Variants in CACNA1C observed in about 807,000 individuals in gnomAD.
CACNA1C encodes the protein voltage-dependent L-type calcium channel subunit alpha-1C.
CACNA1C carries 30 observed loss-of-function variants against 229.0 expected under a neutral mutation model. The ratio of observed to expected loss-of-function variants is 0.13; its 90% CI spans 0.10 to 0.18. CACNA1C has a LOEUF of 0.18. Among genes scored for constraint, CACNA1C ranks in the 10% least tolerant of loss-of-function variants. The pLI is 1.00. For synonymous variants in CACNA1C, 1,114 were observed against 1,132.5 expected (o/e 0.98, Z 0.33); for missense variants, 1,658 against 2,845.0 (o/e 0.58, Z 9.49).
rs924745168 is a variant in CACNA1C at position 2,578,059 on chromosome 12, G to A, written c.1896-3531G>A. ...AATTTTTTGTATTTTTAGTAGAGAC[G>A]GGGTTTCACCGTGTTAGCCAGGATG... On this transcript the variant is annotated intron_variant, in intron 13 of 46. Transcript: ENST00000399655. Among the ~76,000 whole-genome samples the A allele has an allele frequency of 1.4e-4, 21 of 151,770 alleles. No individual in the cohort carries two copies. In the East Asian group the frequency reaches 2.9e-3, roughly 21 times the overall value.
At chr12:2,331,008 A>G (rs183116812) in intron 3 of CACNA1C, among the ~76,000 whole-genome samples, 18 of 152,330 alleles carry the variant, frequency 1.2e-4, no homozygotes, top group African/African-American at 4.3e-4. Flanking sequence ...TAAAAGAGCA[A>G]ACAATAAATT....
chr12:2,007,772 C>T (rs540058695), intron 1 of CACNA1C, among the ~76,000 whole-genome samples: 14 of 152,180 alleles, frequency 9.2e-5, no homozygotes, highest in East Asian at 1.9e-4. Flanking sequence ...TGTACCTTTG[C>T]CCATCTGTCT....
chr12:2,305,660 A>G (rs1040744389), intron 3 of CACNA1C, among the ~76,000 whole-genome samples: 3 of 152,294 alleles, frequency 2.0e-5, no homozygotes, highest in African/African-American at 7.2e-5. Flanking sequence ...CCTAGGCAAC[A>G]TAGTGAGACC....
chr12:1,993,659 T>C (rs977900705), intron 1 of CACNA1C, among the ~76,000 whole-genome samples: 5 of 117,376 alleles, frequency 4.3e-5, no homozygotes, highest in African/African-American at 1.4e-4. Context: ...TGTGTGTGTA[T>C]ACAGATGTTG....
chr12:2,679,390 G>C lies in CACNA1C; in HGVS notation c.5092-54G>C, dbSNP rs962069993. 1.7e-5 allele frequency: 22 copies of C among 1,313,408 alleles called. No individual in the cohort carries two copies. The Admixed American group carries it at 3.0e-4, about 18-fold the overall frequency. The allele number at this position is 1,313,408 out of a possible 1,614,324, so 81.4% of individuals were successfully genotyped here. ...GACCTGGCTGTGGAGGCTGCTCTCTGGGAGGAGTGGGTGCTAAGGGGCTTC... is the reference window on the plus strand; with the variant it reads ...GACCTGGCTGTGGAGGCTGCTCTCTCGGAGGAGTGGGTGCTAAGGGGCTTC... On this transcript the variant is annotated intron_variant, in intron 41 of 46. Coordinates refer to ENST00000399655, the MANE Select transcript of CACNA1C (RefSeq NM_000719.7). The surrounding 1 kb of genome is among the most constrained non-coding windows in gnomAD (Gnocchi z 5.5).
Position 2,679,881 on chromosome 12 carries a change from C to T in CACNA1C, c.5444+85C>T, listed in dbSNP as rs1011247033. ...GAGACAGTGGAGGAGACGGAGGCCTCGGCCAGCCACTTGTCCCTCAAGCTT... is the reference window on the plus strand; with the variant it reads ...GAGACAGTGGAGGAGACGGAGGCCTTGGCCAGCCACTTGTCCCTCAAGCTT... On this transcript the variant is annotated intron_variant, in intron 42 of 46. Coordinates refer to ENST00000399655, the MANE Select transcript of CACNA1C (RefSeq NM_000719.7). This position sits in a 1 kb window ranked among gnomAD's most constrained non-coding sequence, Gnocchi z 5.5. 1.5e-5 allele frequency: 15 copies of T among 972,720 alleles called. No homozygotes were observed. Among genetic ancestry groups the T allele is most frequent in the Non-Finnish European group, 2.1e-5 (14 of 660,070 alleles). The allele number at this position is 972,720 out of a possible 1,614,324, so 60.3% of individuals were successfully genotyped here.
intron 3 of CACNA1C, among the ~76,000 whole-genome samples, chr12:2,443,859 GT>G (rs2099251668): frequency 6.6e-6 from 1 of 152,148 alleles, no homozygotes; most frequent in Non-Finnish European, 1.5e-5. Flanking sequence ...TGTCTTGCTT[GT>G]TTTTGTTTTT....
chr12:2,629,007 T>A (rs998902993), intron 29 of CACNA1C, among the ~76,000 whole-genome samples: 40 of 152,176 alleles, frequency 2.6e-4, no homozygotes, highest in African/African-American at 5.6e-4. Flanking sequence ...TGGATTTTTT[T>A]AAAATACTTC....
intron 3 of CACNA1C, among the ~76,000 whole-genome samples, chr12:2,330,381 A>T (rs2096504842): frequency 1.3e-5 from 2 of 152,238 alleles, no homozygotes; most frequent in African/African-American, 2.4e-5. Flanking sequence ...ATTAAAAACA[A>T]GATAATTTGA....
rs140806703 is a variant in CACNA1C at position 2,297,269 on chromosome 12, A to G, written c.478-151707A>G. On this transcript the variant is annotated intron_variant, in intron 3 of 46. Coordinates refer to ENST00000399655, the MANE Select transcript of CACNA1C (RefSeq NM_000719.7). ...CAGGAGCTGTGTTAGTGACAGCAGC[A>G]TTCACCAGAGGCATTTAAAGGCTGA... Among the ~76,000 whole-genome samples, 46 of 152,342 alleles carry G rather than the reference A, an allele frequency of 3.0e-4. No individual in the cohort carries two copies. The East Asian group carries it at 7.5e-3, about 25-fold the overall frequency.
chr12:2,272,020 C>T (rs2085249991), intron 3 of CACNA1C, among the ~76,000 whole-genome samples: 1 of 152,188 alleles, frequency 6.6e-6, no homozygotes, highest in African/African-American at 2.4e-5. Flanking sequence ...TCCTAGGACT[C>T]TGGAGAGATG....
chr12:2,320,319 C>G (rs1260434878), intron 3 of CACNA1C, among the ~76,000 whole-genome samples: 1 of 152,208 alleles, frequency 6.6e-6, no homozygotes, highest in South Asian at 2.1e-4. Flanking sequence ...GCCTCTTGGC[C>G]TTGCTTTTGT....
In CACNA1C at chr12:2,486,377, T is replaced by A; in HGVS notation, c.916+115T>A. 1.3e-6 allele frequency: 1 copy of A among 764,770 alleles called. No homozygotes were observed. 47.4% of individuals were successfully genotyped at this position (764,770 alleles called of 1,614,324 possible). ...CAGAGCCCAGGGAAGGCCCCATTCA[T>A]TCAGACACACACTGGGCATGGTTAA... On this transcript the variant is annotated intron_variant, in intron 6 of 46. Transcript: ENST00000399655. The surrounding 1 kb of genome is among the most constrained non-coding windows in gnomAD (Gnocchi z 4.9).
intron 10 of CACNA1C, among the ~76,000 whole-genome samples, chr12:2,553,749 T>A (rs2042594947): frequency 6.6e-6 from 1 of 152,138 alleles, no homozygotes; most frequent in Non-Finnish European, 1.5e-5. Flanking sequence ...AGCCTGGTGT[T>A]AAAGGGTGAG....
intron 3 of CACNA1C, among the ~76,000 whole-genome samples, chr12:2,237,237 A>G (rs1283563532): frequency 2.0e-5 from 3 of 152,200 alleles, no homozygotes; most frequent in Non-Finnish European, 4.4e-5. Flanking sequence ...CGTTCAAGCA[A>G]AAAGCAACCT....
chr12:2,572,589 CT>C (rs2056178834), intron 13 of CACNA1C, among the ~76,000 whole-genome samples: 1 of 99,962 alleles, frequency 1.0e-5, no homozygotes, highest in African/African-American at 3.8e-5. Flanking sequence ...TCTCCTCCTC[CT>C]TCTCCTCTCC....
intron 7 of CACNA1C, among the ~76,000 whole-genome samples, chr12:2,498,525 G>A (rs1568045381): frequency 1.3e-5 from 2 of 152,198 alleles, no homozygotes; most frequent in Non-Finnish European, 2.9e-5. Context: ...ATTTAATTTA[G>A]CAAACATTTA....
chr12:2,352,741 G>C (rs1440567885), intron 3 of CACNA1C, among the ~76,000 whole-genome samples: 1 of 152,068 alleles, frequency 6.6e-6, no homozygotes, highest in Non-Finnish European at 1.5e-5. Context: ...GGGGGAAATA[G>C]ACTCTGTGGA....
chr12:2,199,729 C>T (rs953502297), intron 3 of CACNA1C, among the ~76,000 whole-genome samples: 2 of 152,116 alleles, frequency 1.3e-5, no homozygotes, highest in African/African-American at 4.8e-5. Flanking sequence ...TTTCCTCTGT[C>T]AGGTCCCAGA....
Sources: allele counts gnomAD v4.1 joint callset (sites outside exome capture counted in the v4.1 genomes callset), GRCh38; gene constraint gnomAD v4.1.1; non-coding constraint Gnocchi (gnomAD v3.1); transcripts MANE v1.5; gene names NCBI Gene and HGNC (gene_info 2026-07-23, HGNC 2026-07-21).